MIPOL1: variants seen among roughly 807,000 people sequenced by gnomAD.
MIPOL1 encodes the protein mirror-image polydactyly gene 1 protein.
Under a neutral mutation model 60.9 loss-of-function variants are expected in MIPOL1, and 57 were observed. The observed-to-expected ratio is 0.94, with a 90% CI of 0.76 to 1.17. MIPOL1 has a LOEUF of 1.17. MIPOL1 is among the 50% of genes most tolerant of loss of function. The pLI is 0.00. For synonymous variants in MIPOL1, 179 were observed against 168.8 expected, an observed-to-expected ratio of 1.06 and a Z score of -0.47; for missense variants, 551 against 511.6, an observed-to-expected ratio of 1.08 and a Z score of -0.74.
chr14:37,277,835 A>G (rs1160416718), intron 6 of MIPOL1: 1 of 151,468 alleles, frequency 6.6e-6, no homozygotes, highest in African/African-American at 2.4e-5. Flanking sequence ...AGTGTTGTTT[A>G]TATAGCCAAT....
intron 11 of MIPOL1, 111 bp from the exon 12 acceptor site, chr14:37,499,797 T>A: frequency 2.0e-6 from 1 of 507,976 alleles, no homozygotes; most frequent in Non-Finnish European, 3.5e-6. Flanking sequence ...CTCATTTAAG[T>A]ATTTATTGAT....
chr14:37,270,757 A>G (rs980686662), intron 6 of MIPOL1, among the ~76,000 whole-genome samples: 8 of 147,526 alleles, frequency 5.4e-5, no homozygotes, highest in African/African-American at 2.0e-4. Context: ...ATGCATTGTT[A>G]ACACCATGTC....
intron 3 of MIPOL1, among the ~76,000 whole-genome samples, chr14:37,256,986 T>C (rs1975045166): frequency 6.6e-6 from 1 of 152,020 alleles, no homozygotes; most frequent in Admixed American, 6.6e-5. Flanking sequence ...GATGCTGTAG[T>C]GTAACTAACA....
chr14:37,518,196 G>A (rs1261877165), intron 12 of MIPOL1, among the ~76,000 whole-genome samples: 1 of 152,008 alleles, frequency 6.6e-6, no homozygotes, highest in Non-Finnish European at 1.5e-5. Context: ...TTAATATTTT[G>A]AAATGATTTT....
chr14:37,213,200 A>G (rs561192614), intron 1 of MIPOL1, among the ~76,000 whole-genome samples: 1 of 152,310 alleles, frequency 6.6e-6, no homozygotes, highest in African/African-American at 2.4e-5. Flanking sequence ...GGAAGACATG[A>G]CCTCATCAAA....
intron 12 of MIPOL1, among the ~76,000 whole-genome samples, chr14:37,509,711 TTATG>T (rs1454684390): frequency 2.0e-5 from 3 of 151,528 alleles, no homozygotes; most frequent in East Asian, 1.9e-4. Flanking sequence ...ATATGTATGT[TTATG>T]TACGTTTATA....
chr14:37,489,810 C>CCCT (rs1428118887), intron 11 of MIPOL1, among the ~76,000 whole-genome samples: 1 of 152,138 alleles, frequency 6.6e-6, no homozygotes, highest in Non-Finnish European at 1.5e-5. Context: ...GCTGCCTGTT[C>CCCT]CCTCCTCTGG....
chr14:37,520,989 T>G (rs1188842214), intron 12 of MIPOL1, among the ~76,000 whole-genome samples: 2 of 138,636 alleles, frequency 1.4e-5, no homozygotes, highest in African/African-American at 5.5e-5. Context: ...CAGGCTGAAA[T>G]GCAATGGCAA....
intron 9 of MIPOL1, among the ~76,000 whole-genome samples, chr14:37,346,294 A>C (rs1436261843): frequency 1.3e-5 from 2 of 152,156 alleles, no homozygotes; most frequent in Non-Finnish European, 2.9e-5. Context: ...GTGCCAATGC[A>C]CTGCAGCCTG....
chr14:37,276,387 TTA>T, intron 6 of MIPOL1: 1 of 151,126 alleles, frequency 6.6e-6, no homozygotes, highest in Non-Finnish European at 1.5e-5. Context: ...TCCCTGAAAC[TTA>T]CAACTTAAGT....
At chr14:37,282,346 A>G (rs2084182258) in intron 6 of MIPOL1, among the ~76,000 whole-genome samples, 1 of 151,572 alleles carries the variant, frequency 6.6e-6, no homozygotes, top group Non-Finnish European at 1.5e-5. Context: ...GGTTCAAGCG[A>G]TCTCCTGCCT....
At chr14:37,322,915 T>C (rs1299319693) in intron 9 of MIPOL1, among the ~76,000 whole-genome samples, 3 of 152,136 alleles carry the variant, frequency 2.0e-5, no homozygotes, top group Non-Finnish European at 2.9e-5. Context: ...TTTTCTCTCA[T>C]TCTGTAGGTT....
intron 9 of MIPOL1, among the ~76,000 whole-genome samples, chr14:37,351,694 G>C (rs1443477320): frequency 7.3e-6 from 1 of 136,562 alleles, no homozygotes; most frequent in African/African-American, 2.8e-5. Context: ...TTTTTTGGCT[G>C]CATAAATGTC....
chr14:37,308,672 T>C (rs2087000866), intron 9 of MIPOL1, among the ~76,000 whole-genome samples, 153 bp downstream of exon 9: 1 of 152,140 alleles, frequency 6.6e-6, no homozygotes, highest in South Asian at 2.1e-4. Context: ...TTAAAATAAT[T>C]ATGTATTTTA....
intron 9 of MIPOL1, among the ~76,000 whole-genome samples, chr14:37,339,444 A>G (rs1439602030): frequency 6.6e-6 from 1 of 152,152 alleles, no homozygotes; most frequent in Non-Finnish European, 1.5e-5. Flanking sequence ...TAGCAATTCC[A>G]TTTCTAGGTC....
At chr14:37,215,609 A>G (rs1967514173) in intron 1 of MIPOL1, among the ~76,000 whole-genome samples, 1 of 152,216 alleles carries the variant, frequency 6.6e-6, no homozygotes, top group South Asian at 2.1e-4. Context: ...GAGAACAAAT[A>G]AAGTAGGTGG....
At chr14:37,480,047 A>T (rs1295110135) in intron 11 of MIPOL1, among the ~76,000 whole-genome samples, 1 of 152,184 alleles carries the variant, frequency 6.6e-6, no homozygotes, top group Non-Finnish European at 1.5e-5. Flanking sequence ...TCAGAAATAA[A>T]AAAAATTTCA....
chr14:37,200,883 TGTGTGTGTGTGTGTGTA>T lies in MIPOL1; in HGVS notation c.-199+2780_-199+2796del, dbSNP rs1404230087. Among the ~76,000 whole-genome samples, 289 of 107,482 alleles carry T rather than the reference TGTGTGTGTGTGTGTGTA, an allele frequency of 2.7e-3. 3 individuals are homozygous for T. Among genetic ancestry groups the T allele is most frequent in the South Asian group, 0.016 (56 of 3,482 alleles). The allele number at this position is 107,482 out of a possible 152,430, so 70.5% of individuals were successfully genotyped here. A position where few individuals can be genotyped will look rare whatever the true frequency, so the allele number is the denominator to read the frequency against. On this transcript the variant is annotated intron_variant, in intron 1 of 12. Coordinates refer to ENST00000684589, the MANE Select transcript of MIPOL1 (RefSeq NM_001388067.1). ...GTGTGTGTGTGTGTGTGTGTGTGTG[TGTGTGTGTGTGTGTGTA>T]TTTTTTTTTTTTTTTTTTTTGAGAC... is the stretch of plus-strand genomic sequence containing the variant.
intron 6 of MIPOL1, among the ~76,000 whole-genome samples, chr14:37,275,090 CAA>C (rs2083552692): frequency 1.3e-5 from 2 of 150,732 alleles, no homozygotes; most frequent in Non-Finnish European, 3.0e-5. Flanking sequence ...AACCTTATTT[CAA>C]AAGTGTGCAA....
Sources: allele counts gnomAD v4.1 joint callset (sites outside exome capture counted in the v4.1 genomes callset), GRCh38; gene constraint gnomAD v4.1.1; transcripts MANE v1.5; gene names NCBI Gene and HGNC (gene_info 2026-07-23, HGNC 2026-07-21).